ITGA1: variants seen among roughly 807,000 people sequenced by gnomAD.
ITGA1 encodes the protein integrin alpha-1.
A neutral mutation model predicts 145.9 loss-of-function variants in ITGA1; 85 were observed. The ratio of observed to expected loss-of-function variants is 0.58; its 90% confidence interval spans 0.49 to 0.70. ITGA1 has a LOEUF of 0.70. Ranked by LOEUF, ITGA1 falls within the 30% of genes least tolerant of loss-of-function variation. The pLI is 0.00. For missense variants in ITGA1, 1,351 were observed against 1,418.7 expected, an observed-to-expected ratio of 0.95 and a Z score of 0.77; for synonymous variants, 520 against 495.3, an observed-to-expected ratio of 1.05 and a Z score of -0.66.
At chr5:52,865,893 T>A in intron 6 of ITGA1, 76 bp downstream of exon 6, 10 of 1,195,486 alleles carry the variant, frequency 8.4e-6, no homozygotes, top group Non-Finnish European at 1.1e-5. Context: ...CCAAATATTC[T>A]GAAAGCAAAT....
intron 17 of ITGA1, among the ~76,000 whole-genome samples, chr5:52,920,964 T>C (rs1024463840): frequency 1.4e-5 from 2 of 147,528 alleles, no homozygotes; most frequent in African/African-American, 5.0e-5. Context: ...TTTTCTATCA[T>C]CTGTAGGCTT....
At chr5:52,866,386 T>C (rs959695737) in intron 6 of ITGA1, among the ~76,000 whole-genome samples, 1 of 152,178 alleles carries the variant, frequency 6.6e-6, no homozygotes, top group Non-Finnish European at 1.5e-5. Context: ...GAAAAATAAC[T>C]CCTATAGAGT....
At chr5:52,805,244 G>C (rs1748567492) in intron 1 of ITGA1, among the ~76,000 whole-genome samples, 2 of 152,122 alleles carry the variant, frequency 1.3e-5, no homozygotes, top group South Asian at 4.1e-4. Flanking sequence ...AGGAGTTTGG[G>C]TTTGACCATT....
At chr5:52,898,177 G>A in intron 10 of ITGA1, 62 bp from the exon 11 acceptor site, 2 of 1,127,590 alleles carry the variant, frequency 1.8e-6, no homozygotes, top group South Asian at 2.0e-5. Context: ...TGTTAATGGT[G>A]TTTAAGTATT....
chr5:52,873,912 T>C (rs1025514895), intron 6 of ITGA1, among the ~76,000 whole-genome samples: 19 of 152,164 alleles, frequency 1.2e-4, no homozygotes, highest in Admixed American at 5.2e-4. Context: ...TGGGTGCTGG[T>C]GTAACCCTGA....
chr5:52,855,293 C>T (rs144764731), intron 2 of ITGA1, among the ~76,000 whole-genome samples: 157 of 152,192 alleles, frequency 1.0e-3, no homozygotes, highest in African/African-American at 3.6e-3. Flanking sequence ...TGGTGTCACT[C>T]AAAGGCATGT....
At chr5:52,928,200 C>T (rs1002225386) in intron 20 of ITGA1, among the ~76,000 whole-genome samples, 1 of 152,158 alleles carries the variant, frequency 6.6e-6, no homozygotes, top group Non-Finnish European at 1.5e-5. Flanking sequence ...CACAGGCAAA[C>T]TCGAACACCA....
At position 52,807,611 on chromosome 5, in the gene ITGA1, A is replaced by G. The variant is rs1748611833; in HGVS notation, c.61+19197A>G. Among the ~76,000 whole-genome samples the G allele has an allele frequency of 3.3e-5, 5 of 152,206 alleles. No homozygotes were observed. In the South Asian group the frequency reaches 1.0e-3, roughly 32 times the overall value. On this transcript the variant is annotated intron_variant, in intron 1 of 28. Coordinates refer to ENST00000282588, the MANE Select transcript of ITGA1 (RefSeq NM_181501.2). The stretch of plus-strand genomic sequence containing the variant: ...GACACTAAATTTTATATAATCAGCC[A>G]AAGTTTATGCAATCATTTTTAATGT...
intron 1 of ITGA1, among the ~76,000 whole-genome samples, chr5:52,842,693 T>C (rs917335630): frequency 1.3e-5 from 2 of 151,156 alleles, no homozygotes; most frequent in African/African-American, 4.9e-5. Flanking sequence ...TCATCTTTTT[T>C]TTTTTTTTTT....
chr5:52,884,801 T>C (rs1437716077), intron 7 of ITGA1, among the ~76,000 whole-genome samples: 5 of 152,216 alleles, frequency 3.3e-5, no homozygotes, highest in Non-Finnish European at 4.4e-5. Flanking sequence ...GTGTGGGATT[T>C]TTCCCACATC....
chr5:52,793,905 C>T lies in ITGA1; in HGVS notation c.61+5491C>T, dbSNP rs1580020884. Reference sequence around the variant, plus strand: ...TTAATGACTCTAGCTTTGGCAAACTCTTAACTTTTTGTCATGTTGGTGGTA... The same window carrying T: ...TTAATGACTCTAGCTTTGGCAAACTTTTAACTTTTTGTCATGTTGGTGGTA... On this transcript the variant is annotated intron_variant, in intron 1 of 28. Coordinates refer to ENST00000282588, the MANE Select transcript of ITGA1 (RefSeq NM_181501.2). 2.0e-5 allele frequency among the ~76,000 whole-genome samples: 3 copies of T among 151,982 alleles called. No individual in the cohort carries two copies. In the East Asian group the frequency reaches 5.8e-4, roughly 29 times the overall value.
In ITGA1 at chr5:52,898,261, T is replaced by C. The variant is rs952193412; in HGVS notation, c.1187T>C (p.Val396Ala). Reference sequence around the variant, plus strand: ...AAGGACTGGGTCATGCTTGGAGCAGTAGGAGCCTATGATTGGAATGGAACA... The same window carrying C: ...AAGGACTGGGTCATGCTTGGAGCAGCAGGAGCCTATGATTGGAATGGAACA... The part of the protein sequence containing the change: ...YSQDWVMLGA[V>A]GAYDWNGTVV... Residue 396 changes from valine (V) to alanine (A), a missense_variant, in exon 11 of 29, where the codon GTA (valine) becomes GCA (alanine). By Grantham distance (64) the Val-to-Ala change is moderately conservative. Coordinates refer to ENST00000282588, the MANE Select transcript of ITGA1 (RefSeq NM_181501.2). The C allele has an allele frequency of 1.4e-5, 23 of 1,602,576 alleles. No individual in the cohort carries two copies. Among genetic ancestry groups the C allele is most frequent in the Middle Eastern group, 1.7e-4 (1 of 6,032 alleles).
intron 16 of ITGA1, among the ~76,000 whole-genome samples, chr5:52,919,353 TC>T (rs1285095198): frequency 6.6e-6 from 1 of 152,134 alleles, no homozygotes; most frequent in East Asian, 1.9e-4. Flanking sequence ...ATTTCCGAGA[TC>T]CTTTGTTCCA....
intron 1 of ITGA1, among the ~76,000 whole-genome samples, chr5:52,834,053 T>C (rs1217520618): frequency 6.6e-6 from 1 of 152,184 alleles, no homozygotes; most frequent in Non-Finnish European, 1.5e-5. Context: ...TATAGAACAA[T>C]GTACAATAAC....
chr5:52,792,996 G>A (rs1580020179), intron 1 of ITGA1, among the ~76,000 whole-genome samples: 6 of 152,198 alleles, frequency 3.9e-5, no homozygotes, highest in Admixed American at 3.9e-4. Flanking sequence ...TATTATGCCA[G>A]CTACTCTAAA....
At chr5:52,928,415 TG>T (rs2111884262) in intron 20 of ITGA1, among the ~76,000 whole-genome samples, 1 of 152,300 alleles carries the variant, frequency 6.6e-6, no homozygotes, top group South Asian at 2.1e-4. Context: ...AAAAAAAAAT[TG>T]CCTTATTGAG....
intron 1 of ITGA1, chr5:52,800,054 A>C: frequency 3.2e-6 from 1 of 313,808 alleles, no homozygotes; most frequent in Non-Finnish European, 6.0e-6. Context: ...GGGACGGGAG[A>C]CGTGCGTCGG....
chr5:52,891,555 T>TAAAAA (rs56185635), intron 8 of ITGA1, among the ~76,000 whole-genome samples: 2 of 118,878 alleles, frequency 1.7e-5, no homozygotes, highest in African/African-American at 6.9e-5. Flanking sequence ...TCATGAACAC[T>TAAAAA]AAAAAAAAAA....
At position 52,874,944 on chromosome 5, in the gene ITGA1, CA is replaced by C. The variant is rs541855745; in HGVS notation, c.625-6922del. On this transcript the variant is annotated intron_variant, in intron 6 of 28. Coordinates refer to ENST00000282588, the MANE Select transcript of ITGA1 (RefSeq NM_181501.2). Reference sequence around the variant, plus strand: ...TCTGAGGTGTTGAATATGATCCTCACAAAAAAATATTACTTTAAATAAGAAT... The same window carrying C: ...TCTGAGGTGTTGAATATGATCCTCACAAAAAATATTACTTTAAATAAGAAT... Among the ~76,000 whole-genome samples, 6 of 152,118 alleles carry C rather than the reference CA, an allele frequency of 3.9e-5. No homozygotes were observed. In the East Asian group the frequency reaches 9.7e-4, roughly 25 times the overall value.
Sources: allele counts gnomAD v4.1 joint callset (sites outside exome capture counted in the v4.1 genomes callset), GRCh38; gene constraint gnomAD v4.1.1; transcripts MANE v1.5; gene names NCBI Gene and HGNC (gene_info 2026-07-23, HGNC 2026-07-21).